AGBL4: variants seen among roughly 807,000 people sequenced by gnomAD.
AGBL4 encodes the protein cytosolic carboxypeptidase 6.
AGBL4 carries 58 observed loss-of-function variants against 66.4 expected under a neutral mutation model. That is an observed-to-expected ratio of 0.87 (90% CI 0.71 to 1.09). The LOEUF is 1.09. AGBL4 is among the 50% of genes least tolerant of loss of function. The probability of loss-of-function intolerance (pLI) is 0.00; values close to 1 mark genes in which losing one functional copy is unlikely to be tolerated. For synonymous variants in AGBL4, 234 were observed against 222.9 expected (o/e 1.05, Z -0.44); for missense variants, 579 against 631.0 (o/e 0.92, Z 0.88).
intron 3 of AGBL4, among the ~76,000 whole-genome samples, chr1:49,365,209 T>TA (rs1644220639): frequency 6.6e-6 from 1 of 152,182 alleles, no homozygotes; most frequent in African/African-American, 2.4e-5. Context: ...GGCCATGGCT[T>TA]AGAGACATTA....
chr1:49,952,485 C>T (rs1656245422), intron 1 of AGBL4, among the ~76,000 whole-genome samples: 1 of 151,938 alleles, frequency 6.6e-6, no homozygotes, highest in Non-Finnish European at 1.5e-5. Flanking sequence ...TGCCTTTTTA[C>T]ATATGGCATT....
chr1:49,098,844 TA>T (rs1294613983), intron 4 of AGBL4, among the ~76,000 whole-genome samples: 1 of 152,228 alleles, frequency 6.6e-6, no homozygotes, highest in African/African-American at 2.4e-5. Context: ...ACAGATCAAA[TA>T]AAAGTTTAAA....
chr1:48,793,501 T>C (rs1188291327), intron 6 of AGBL4, among the ~76,000 whole-genome samples: 1 of 152,186 alleles, frequency 6.6e-6, no homozygotes, highest in Non-Finnish European at 1.5e-5. Context: ...GCCCTCAGAC[T>C]CAAGACTTTG....
chr1:49,186,195 T>C (rs1245626339), intron 4 of AGBL4, among the ~76,000 whole-genome samples: 1 of 152,148 alleles, frequency 6.6e-6, no homozygotes. Context: ...TATGCATACA[T>C]ATTTCTTCAT....
intron 4 of AGBL4, among the ~76,000 whole-genome samples, chr1:49,072,593 G>A (rs1644629735): frequency 6.6e-6 from 1 of 152,194 alleles, no homozygotes; most frequent in Non-Finnish European, 1.5e-5. Flanking sequence ...GGCTTGTAGT[G>A]CTTCTGCAGA....
At chr1:48,706,728 T>G (rs948548540) in intron 6 of AGBL4, among the ~76,000 whole-genome samples, 1 of 152,188 alleles carries the variant, frequency 6.6e-6, no homozygotes, top group Non-Finnish European at 1.5e-5. Flanking sequence ...AAATTTTTGT[T>G]AAATAAATGA....
chr1:49,160,271 T>C (rs1319074329), intron 4 of AGBL4, among the ~76,000 whole-genome samples: 3 of 152,206 alleles, frequency 2.0e-5, no homozygotes, highest in African/African-American at 7.2e-5. Context: ...TTGTTGATGT[T>C]GATGCTATTC....
At chr1:49,201,384 T>G (rs1647687660) in intron 4 of AGBL4, among the ~76,000 whole-genome samples, 1 of 152,286 alleles carries the variant, frequency 6.6e-6, no homozygotes, top group South Asian at 2.1e-4. Flanking sequence ...GAAACCTTAG[T>G]GAGTTGCTCA....
intron 3 of AGBL4, among the ~76,000 whole-genome samples, chr1:49,527,951 A>C (rs1650798133): frequency 6.6e-6 from 1 of 151,948 alleles, no homozygotes; most frequent in South Asian, 2.1e-4. Flanking sequence ...GCAATGTGTA[A>C]CTCTGACCCC....
In AGBL4 at chr1:48,741,120, A is replaced by G. The variant is rs552742169; in HGVS notation, c.635-77879T>C. Among the ~76,000 whole-genome samples, 9 of 152,292 alleles carry G rather than the reference A, an allele frequency of 5.9e-5. No individual in the cohort carries two copies. The South Asian group carries it at 1.7e-3, about 28-fold the overall frequency. ...CATCAGCCTTCAAGGCAAGGGAGAA[A>G]TAGATTTCTCTTGGAAGCTACTTTA... is the stretch of plus-strand genomic sequence containing the variant. On this transcript the variant is annotated intron_variant, in intron 6 of 13. Transcript: ENST00000371839.
chr1:49,982,907 A>C (rs1015359082), intron 1 of AGBL4, among the ~76,000 whole-genome samples: 7 of 152,148 alleles, frequency 4.6e-5, no homozygotes, highest in African/African-American at 1.7e-4. Context: ...ACAGCTGCAG[A>C]GAAGAGTTAC....
intron 4 of AGBL4, among the ~76,000 whole-genome samples, chr1:49,208,887 G>A (rs567635814): frequency 2.0e-5 from 3 of 151,898 alleles, no homozygotes; most frequent in African/African-American, 4.8e-5. Flanking sequence ...ATGCATATAC[G>A]CAAACACACA....
chr1:48,632,385 C>T (rs916879760), intron 9 of AGBL4, among the ~76,000 whole-genome samples: 1 of 152,154 alleles, frequency 6.6e-6, no homozygotes, highest in Non-Finnish European at 1.5e-5. Context: ...AATGAGCGCC[C>T]GGTTGTTTGT....
chr1:49,397,033 G>A (rs941470898), intron 3 of AGBL4, among the ~76,000 whole-genome samples: 3 of 152,082 alleles, frequency 2.0e-5, no homozygotes, highest in Admixed American at 1.3e-4. Flanking sequence ...AGTTCACAAT[G>A]GAGTTCACAC....
At chr1:49,559,079 G>A (rs1248970113) in intron 3 of AGBL4, among the ~76,000 whole-genome samples, 1 of 152,136 alleles carries the variant, frequency 6.6e-6, no homozygotes, top group Admixed American at 6.6e-5. Context: ...GAGCCCCAGA[G>A]CCTTTATGAA....
At chr1:48,739,376 C>T (rs891102796) in intron 6 of AGBL4, among the ~76,000 whole-genome samples, 4 of 152,230 alleles carry the variant, frequency 2.6e-5, no homozygotes, top group Non-Finnish European at 5.9e-5. Context: ...TTTTCTATCA[C>T]ATTTAATCCA....
intron 3 of AGBL4, among the ~76,000 whole-genome samples, chr1:49,570,708 T>A (rs1644309731): frequency 6.6e-6 from 1 of 152,140 alleles, no homozygotes; most frequent in Non-Finnish European, 1.5e-5. Flanking sequence ...CTAGTATTTT[T>A]ATAGATTCAT....
At chr1:49,850,062 AAT>A (rs1646267519) in intron 2 of AGBL4, among the ~76,000 whole-genome samples, 1 of 152,214 alleles carries the variant, frequency 6.6e-6, no homozygotes, top group African/African-American at 2.4e-5. Flanking sequence ...TTGGAAGTAC[AAT>A]ACTACAATAC....
At chr1:48,610,873 C>A (rs1260763995) in intron 9 of AGBL4, among the ~76,000 whole-genome samples, 1 of 152,174 alleles carries the variant, frequency 6.6e-6, no homozygotes, top group Non-Finnish European at 1.5e-5. Flanking sequence ...CACACACACA[C>A]AGCCTGGAAG....
Sources: allele counts gnomAD v4.1 joint callset (sites outside exome capture counted in the v4.1 genomes callset), GRCh38; gene constraint gnomAD v4.1.1; transcripts MANE v1.5; gene names NCBI Gene and HGNC (gene_info 2026-07-23, HGNC 2026-07-21).